Variants in TMEM244 observed in about 807,000 individuals in gnomAD.
TMEM244 encodes the protein putative transmembrane protein 244.
Under a neutral mutation model 15.8 loss-of-function variants are expected in TMEM244, and 13 were observed. The observed-to-expected ratio is 0.82, with a 90% CI of 0.53 to 1.30. The LOEUF is 1.30. Among genes scored for constraint, TMEM244 ranks in the 50% most tolerant of loss-of-function variants. The probability of loss-of-function intolerance (pLI) is 0.00; values close to 1 mark genes in which losing one functional copy is unlikely to be tolerated. For missense variants in TMEM244, 161 were observed against 144.9 expected (o/e 1.11, Z -0.57); for synonymous variants, 45 against 48.7 (o/e 0.92, Z 0.32).
chr6:129,845,651 T>G lies in TMEM244; in HGVS notation c.119+116A>C. The stretch of plus-strand genomic sequence containing the variant: ...AAATAAATAAAAGTAAGAAACTATG[T>G]CTTTAAAAAAATCCACATCCTCTAA... On this transcript the variant is annotated intron_variant, in intron 2 of 4. Coordinates refer to ENST00000368143, the MANE Select transcript of TMEM244 (RefSeq NM_001010876.2). The G allele has an allele frequency of 3.7e-6, 3 of 807,228 alleles. No individual in the cohort carries two copies. In the South Asian group the frequency reaches 4.8e-5, roughly 13 times the overall value. 50.0% of individuals were successfully genotyped at this position (807,228 alleles called of 1,614,324 possible).
intron 1 of TMEM244, among the ~76,000 whole-genome samples, chr6:129,849,060 A>G (rs956502994): frequency 1.3e-5 from 2 of 152,142 alleles, no homozygotes; most frequent in Non-Finnish European, 2.9e-5. Flanking sequence ...GAAAACCTAC[A>G]AATAGTAAAT....
At chr6:129,849,305 C>T (rs564815640) in intron 1 of TMEM244, among the ~76,000 whole-genome samples, 2 of 152,190 alleles carry the variant, frequency 1.3e-5, no homozygotes, top group East Asian at 3.9e-4. Context: ...TCTAGATTTT[C>T]AAATAATACT....
intron 1 of TMEM244, among the ~76,000 whole-genome samples, chr6:129,851,635 G>T (rs1187035518): frequency 7.2e-5 from 11 of 152,158 alleles, no homozygotes; most frequent in Admixed American, 7.2e-4. Flanking sequence ...CAGACAAGTT[G>T]AGTGAATAGC....
At chr6:129,831,861 T>C (rs1776332990) in intron 4 of TMEM244, among the ~76,000 whole-genome samples, 1 of 152,164 alleles carries the variant, frequency 6.6e-6, no homozygotes, top group African/African-American at 2.4e-5. Flanking sequence ...CTTTTGCAAA[T>C]ATCAGTGGCT....
At chr6:129,845,360 C>T (rs566829381) in intron 2 of TMEM244, among the ~76,000 whole-genome samples, 6 of 152,338 alleles carry the variant, frequency 3.9e-5, no homozygotes, top group Non-Finnish European at 7.3e-5. Flanking sequence ...GTAATGGGTT[C>T]GCTTTCTTTC....
At chr6:129,841,082 C>T (rs1378086195) in intron 3 of TMEM244, among the ~76,000 whole-genome samples, 1 of 152,096 alleles carries the variant, frequency 6.6e-6, no homozygotes, top group East Asian at 1.9e-4. Context: ...GGGCATATAC[C>T]CAAAGAATTA....
intron 1 of TMEM244, among the ~76,000 whole-genome samples, chr6:129,860,141 GTGTGTGTC>G (rs879813842): frequency 0.027 from 3,487 of 130,550 alleles, 32 homozygotes; most frequent in Non-Finnish European, 0.033. Context: ...GTGTGTGTGT[GTGTGTGTC>G]TGTCTGTCTG....
intron 3 of TMEM244, among the ~76,000 whole-genome samples, chr6:129,838,087 C>A (rs1031376333): frequency 5.9e-5 from 9 of 152,218 alleles, no homozygotes; most frequent in East Asian, 1.9e-4. Context: ...AGACATCTAC[C>A]GAATTCTACA....
At chr6:129,833,663 G>T in intron 3 of TMEM244, 78 bp from the exon 4 acceptor site, 1 of 1,398,918 alleles carries the variant, frequency 7.1e-7, no homozygotes, top group Non-Finnish European at 9.6e-7. Flanking sequence ...AACAAGACCA[G>T]GAAAGCTTAC....
intron 3 of TMEM244, 110 bp from the exon 4 acceptor site, chr6:129,833,695 G>C (rs912131480): frequency 1.7e-6 from 2 of 1,148,562 alleles, no homozygotes; most frequent in Non-Finnish European, 2.4e-6. Flanking sequence ...ATTTTGGTAA[G>C]AATTTTTTAA....
At chr6:129,837,563 C>T (rs977778811) in intron 3 of TMEM244, among the ~76,000 whole-genome samples, 12 of 152,190 alleles carry the variant, frequency 7.9e-5, no homozygotes, top group African/African-American at 2.9e-4. Flanking sequence ...GGATTAAATT[C>T]AAACATAACA....
At chr6:129,845,704 A>G (rs913895202) in intron 2 of TMEM244, 63 bp downstream of exon 2, 8 of 1,185,750 alleles carry the variant, frequency 6.7e-6, no homozygotes, top group Non-Finnish European at 8.7e-6. Flanking sequence ...AATGTTAAAT[A>G]TAAACATCTT....
intron 2 of TMEM244, among the ~76,000 whole-genome samples, chr6:129,845,527 C>A (rs185439395): frequency 6.6e-6 from 1 of 152,198 alleles, no homozygotes; most frequent in Admixed American, 6.5e-5. Context: ...GCCTGTAATC[C>A]TAGCATTTTG....
chr6:129,840,532 G>A (rs1487822925), intron 3 of TMEM244, among the ~76,000 whole-genome samples: 1 of 152,138 alleles, frequency 6.6e-6, no homozygotes, highest in African/African-American at 2.4e-5. Context: ...AAGACTTCAT[G>A]ACTAAAACCC....
intron 3 of TMEM244, among the ~76,000 whole-genome samples, chr6:129,836,540 G>C (rs1486487255): frequency 6.6e-6 from 1 of 152,184 alleles, no homozygotes; most frequent in African/African-American, 2.4e-5. Context: ...CTCCTCGCCA[G>C]TGAGGGAACA....
At chr6:129,860,774 G>T (rs1454860846) in intron 1 of TMEM244, among the ~76,000 whole-genome samples, 2 of 148,456 alleles carry the variant, frequency 1.3e-5, no homozygotes. Flanking sequence ...AAAATTTTGC[G>T]CACCCTTTAG....
chr6:129,841,296 C>T (rs1314136800), intron 3 of TMEM244, among the ~76,000 whole-genome samples: 1 of 151,894 alleles, frequency 6.6e-6, no homozygotes, highest in Admixed American at 6.6e-5. Context: ...AGCTGGAAAC[C>T]ATTATTCTAA....
At chr6:129,857,351 T>A (rs1188464819) in intron 1 of TMEM244, among the ~76,000 whole-genome samples, 2 of 151,672 alleles carry the variant, frequency 1.3e-5, no homozygotes, top group Non-Finnish European at 2.9e-5. Context: ...CATATATATA[T>A]ACATATATAA....
chr6:129,856,681 A>G (rs10484278), intron 1 of TMEM244, among the ~76,000 whole-genome samples: 9,426 of 152,162 alleles, frequency 0.062, 428 homozygotes, highest in South Asian at 0.21. Flanking sequence ...AATATCTAGT[A>G]AGGCTAGTCA....
Sources: gnomAD v4.1 joint callset for allele counts (sites outside exome capture counted in the v4.1 genomes callset) on GRCh38, gnomAD v4.1.1 for gene constraint, MANE v1.5 for transcripts, NCBI Gene and HGNC (gene_info 2026-07-23, HGNC 2026-07-21) for gene names.